Variants in ERBIN observed in about 807,000 individuals in gnomAD.
ERBIN encodes the protein erbb2 interacting protein, also known as densin-180-like protein.
Under a neutral mutation model 158.4 loss-of-function variants are expected in ERBIN, and 60 were observed. The observed-to-expected ratio is 0.38, with a 90% CI of 0.31 to 0.47. The LOEUF is 0.47. ERBIN is among the 20% of genes least tolerant of loss of function. The pLI is 0.99. For synonymous variants in ERBIN, 594 were observed against 557.2 expected (o/e 1.07, Z -0.93); for missense variants, 1,610 against 1,648.0 (o/e 0.98, Z 0.40).
chr5:65,980,195 C>G (rs1228416697), intron 1 of ERBIN, among the ~76,000 whole-genome samples: 4 of 152,128 alleles, frequency 2.6e-5, no homozygotes, highest in Admixed American at 6.6e-5. Context: ...GCAGGGGGAT[C>G]ACTTGAGGTC....
At chr5:66,051,254 A>C (rs1758991470) in intron 20 of ERBIN, among the ~76,000 whole-genome samples, 1 of 152,152 alleles carries the variant, frequency 6.6e-6, no homozygotes, top group Admixed American at 6.5e-5. Flanking sequence ...ATTTGAGGTA[A>C]TTTAAGTTGA....
At chr5:65,940,370 G>A (rs1360190368) in intron 1 of ERBIN, among the ~76,000 whole-genome samples, 2 of 148,574 alleles carry the variant, frequency 1.3e-5, no homozygotes, top group Non-Finnish European at 3.0e-5. Context: ...CGTCTGGGAA[G>A]TGAGGAGCAT....
chr5:66,048,867 T>C (rs1242804577), intron 19 of ERBIN, 86 bp downstream of exon 19: 3 of 750,368 alleles, frequency 4.0e-6, no homozygotes, highest in Non-Finnish European at 6.2e-6. Flanking sequence ...TTGAATATTA[T>C]GTTATTTGAT....
intron 21 of ERBIN, among the ~76,000 whole-genome samples, chr5:66,056,895 A>G (rs16894818): frequency 0.04 from 6,124 of 152,208 alleles, 415 homozygotes; most frequent in African/African-American, 0.14. Flanking sequence ...ATACCAAAGT[A>G]TATATCCTGC....
At chr5:66,049,857 C>T (rs1237815117) in intron 19 of ERBIN, among the ~76,000 whole-genome samples, 1 of 152,038 alleles carries the variant, frequency 6.6e-6, no homozygotes, top group African/African-American at 2.4e-5. Flanking sequence ...AATATGAACA[C>T]TTGTCTGTTT....
At chr5:66,019,322 G>A (rs753674254) in intron 7 of ERBIN, among the ~76,000 whole-genome samples, 1 of 152,182 alleles carries the variant, frequency 6.6e-6, no homozygotes, top group East Asian at 1.9e-4. Context: ...AATGGAAAGA[G>A]CTGTTGTTTT....
At chr5:65,995,762 C>T (rs1477781120) in intron 4 of ERBIN, among the ~76,000 whole-genome samples, 2 of 152,174 alleles carry the variant, frequency 1.3e-5, no homozygotes, top group Admixed American at 6.6e-5. Context: ...TCCCTTTTCT[C>T]GACACCCTCA....
At chr5:65,960,816 CTT>C (rs1747821906) in intron 1 of ERBIN, among the ~76,000 whole-genome samples, 1 of 152,106 alleles carries the variant, frequency 6.6e-6, no homozygotes, top group Non-Finnish European at 1.5e-5. Context: ...ATCCCTTTGT[CTT>C]TATATGTTTA....
At chr5:65,996,740 T>A (rs552140534) in intron 4 of ERBIN, among the ~76,000 whole-genome samples, 16 of 152,192 alleles carry the variant, frequency 1.1e-4, no homozygotes, top group Non-Finnish European at 2.1e-4. Flanking sequence ...TTTAACAATA[T>A]TGATTTTGAA....
intron 21 of ERBIN, among the ~76,000 whole-genome samples, chr5:66,060,228 T>G (rs1760119956): frequency 6.6e-6 from 1 of 152,224 alleles, no homozygotes; most frequent in Admixed American, 6.5e-5. Context: ...CTGTTATTGG[T>G]CTATTCAGAG....
At position 66,044,176 on chromosome 5, in the gene ERBIN, G is replaced by A; in HGVS notation, c.1468G>A (p.Glu490Lys). 6.3e-7 allele frequency: 1 copy of A among 1,591,502 alleles called. No homozygotes were observed. The highest frequency in any genetic ancestry group is 8.5e-7 in the Non-Finnish European group (1 of 1,172,736). ...LKRYPTPYPD[E>K]LKNMVKTVQT... ...AAGATATCCAACACCATACCCAGAT[G>A]AGCTTAAGAATATGGTCAAAACTGT... is the stretch of plus-strand genomic sequence containing the variant. The change falls in exon 17 of 26, where the codon GAG becomes AAG. Residue 490 changes from glutamate to lysine, a missense_variant. By Grantham distance (56) the Glu-to-Lys change is moderately conservative. Transcript: ENST00000284037.
chr5:66,063,865 TA>T (rs1158876154), intron 21 of ERBIN, among the ~76,000 whole-genome samples: 2 of 152,208 alleles, frequency 1.3e-5, no homozygotes, highest in Non-Finnish European at 2.9e-5. Flanking sequence ...CGTATTTATA[TA>T]CACACTTATA....
intron 7 of ERBIN, among the ~76,000 whole-genome samples, chr5:66,015,588 G>GA (rs1489456569): frequency 3.3e-5 from 5 of 152,068 alleles, no homozygotes; most frequent in African/African-American, 1.2e-4. Flanking sequence ...GCCCTTTACA[G>GA]AAAAAATTTG....
At chr5:66,040,428 T>C (rs989134995) in intron 15 of ERBIN, among the ~76,000 whole-genome samples, 5 of 151,936 alleles carry the variant, frequency 3.3e-5, no homozygotes, top group South Asian at 2.1e-4. Flanking sequence ...ATAGGAAGAA[T>C]AGAAGTAGCA....
intron 21 of ERBIN, among the ~76,000 whole-genome samples, chr5:66,065,158 A>G (rs538713948): frequency 2.6e-4 from 39 of 152,332 alleles, no homozygotes; most frequent in African/African-American, 9.1e-4. Context: ...ACAATACGAT[A>G]CTAGGTTTAG....
intron 7 of ERBIN, among the ~76,000 whole-genome samples, chr5:66,016,574 A>G (rs957585314): frequency 1.3e-5 from 2 of 150,422 alleles, no homozygotes; most frequent in African/African-American, 4.9e-5. Flanking sequence ...TACCCTCCTC[A>G]GCCTCTGCTA....
Position 66,080,260 on chromosome 5 carries a change from A to T in ERBIN, c.*1730A>T, listed in dbSNP as rs528419061. 52 of 152,684 alleles carry T rather than the reference A, an allele frequency of 3.4e-4. No individual in the cohort carries two copies. The highest frequency in any genetic ancestry group is 1.3e-3 in the African/African-American group (52 of 41,576). The allele number at this position is 152,684 out of a possible 1,614,324, so 9.5% of individuals were successfully genotyped here. On this transcript the variant is annotated 3_prime_UTR_variant, in exon 26 of 26. Coordinates refer to ENST00000284037, the MANE Select transcript of ERBIN (RefSeq NM_001253697.2). ...TAGGCAGCACTTTTAAAAATATGTGAACTCAAATATTGCACTTCTTTCAAG... is the reference window on the plus strand; with the variant it reads ...TAGGCAGCACTTTTAAAAATATGTGTACTCAAATATTGCACTTCTTTCAAG...
intron 18 of ERBIN, among the ~76,000 whole-genome samples, chr5:66,047,606 A>G (rs555720204): frequency 2.0e-5 from 3 of 152,210 alleles, no homozygotes; most frequent in South Asian, 2.1e-4. Flanking sequence ...ACTGCAGTAC[A>G]TACTAGCTAC....
rs1561380835 is a variant in ERBIN, at chr5:66,018,519, A to AC, written c.534-2803_534-2802insC. 8.3e-3 allele frequency among the ~76,000 whole-genome samples: 84 copies of AC among 10,134 alleles called. 36 individuals are homozygous for AC. Among genetic ancestry groups the AC allele is most frequent in the Non-Finnish European group, 0.012 (66 of 5,314 alleles). 6.6% of individuals were successfully genotyped at this position (10,134 alleles called of 152,430 possible). A position where few individuals can be genotyped will look rare whatever the true frequency, so the allele number is the denominator to read the frequency against. ...ATATAATATATATTATATATTATAT[A>AC]ATATATATTATATTATATAATATAT... On this transcript the variant is annotated intron_variant, in intron 7 of 25. Transcript: ENST00000284037.
Sources: gnomAD v4.1 joint callset for allele counts (sites outside exome capture counted in the v4.1 genomes callset) on GRCh38, gnomAD v4.1.1 for gene constraint, MANE v1.5 for transcripts, NCBI Gene and HGNC (gene_info 2026-07-23, HGNC 2026-07-21) for gene names.